The following KCNH7 variants were observed in gnomAD, a reference collection of about 807,000 sequenced individuals.
KCNH7 encodes the protein voltage-gated inwardly rectifying potassium channel KCNH7.
Under a neutral mutation model 120.8 loss-of-function variants are expected in KCNH7, and 49 were observed. That is an observed-to-expected ratio of 0.41 (90% CI 0.32 to 0.51). KCNH7 has a LOEUF of 0.51. KCNH7 is among the 20% of genes least tolerant of loss of function. The pLI, the probability that KCNH7 is intolerant of heterozygous loss-of-function variation, is 0.38. For synonymous variants in KCNH7, 547 were observed against 516.1 expected, an observed-to-expected ratio of 1.06 and a Z score of -0.81; for missense variants, 1,097 against 1,446.6, an observed-to-expected ratio of 0.76 and a Z score of 3.92.
intron 2 of KCNH7, among the ~76,000 whole-genome samples, chr2:162,769,423 C>T (rs965149334): frequency 1.3e-5 from 2 of 152,062 alleles, no homozygotes; most frequent in African/African-American, 4.8e-5. Context: ...AGTTGAGTTG[C>T]TGCATACAAA....
chr2:162,403,856 G>T (rs140802164), intron 9 of KCNH7, among the ~76,000 whole-genome samples: 50 of 152,056 alleles, frequency 3.3e-4, no homozygotes, highest in African/African-American at 1.2e-3. Context: ...TCTAAGTAAA[G>T]AAACTTTAAA....
At chr2:162,456,070 A>C (rs1310169248) in intron 6 of KCNH7, among the ~76,000 whole-genome samples, 1 of 152,130 alleles carries the variant, frequency 6.6e-6, no homozygotes, top group East Asian at 1.9e-4. Flanking sequence ...TGATGTGGGC[A>C]ATTAGTGCTA....
At chr2:162,768,565 A>G (rs1682915478) in intron 2 of KCNH7, among the ~76,000 whole-genome samples, 1 of 152,212 alleles carries the variant, frequency 6.6e-6, no homozygotes. Flanking sequence ...ACGGAGAGGT[A>G]AAAGAGATAT....
intron 7 of KCNH7, among the ~76,000 whole-genome samples, chr2:162,437,626 A>G (rs910978718): frequency 6.6e-6 from 1 of 152,254 alleles, no homozygotes; most frequent in South Asian, 2.1e-4. Context: ...TCATCTGTAT[A>G]TGAAGTGTAG....
In KCNH7 at chr2:162,562,315, TG is replaced by T. The variant is rs377444030; in HGVS notation, c.308-25236del. The stretch of plus-strand genomic sequence containing the variant: ...ATAATATGAATGATTTTTATTAAAA[TG>T]GTGTTCATACATAATTTAAAAGTTA... On this transcript the variant is annotated intron_variant, in intron 2 of 15. Transcript: ENST00000332142. Among the ~76,000 whole-genome samples, 76 of 152,314 alleles carry T rather than the reference TG, an allele frequency of 5.0e-4. 2 individuals carry two copies. The South Asian group carries it at 0.016, about 31-fold the overall frequency.
chr2:162,648,848 T>A (rs1684470839), intron 2 of KCNH7, among the ~76,000 whole-genome samples: 1 of 152,156 alleles, frequency 6.6e-6, no homozygotes, highest in Admixed American at 6.6e-5. Flanking sequence ...CCTAAATTTT[T>A]CTGGGTGGTG....
chr2:162,692,437 C>T (rs1686147235), intron 2 of KCNH7, among the ~76,000 whole-genome samples: 1 of 152,112 alleles, frequency 6.6e-6, no homozygotes, highest in Admixed American at 6.6e-5. Flanking sequence ...CATGCACACT[C>T]ATACACACCA....
intron 2 of KCNH7, among the ~76,000 whole-genome samples, chr2:162,680,082 G>T (rs1027911961): frequency 6.6e-6 from 1 of 151,728 alleles, no homozygotes; most frequent in Admixed American, 6.6e-5. Flanking sequence ...ATTTAACATT[G>T]CAGTCTCAAT....
At chr2:162,546,832 T>C (rs1482342518) in intron 2 of KCNH7, among the ~76,000 whole-genome samples, 2 of 151,346 alleles carry the variant, frequency 1.3e-5, no homozygotes, top group African/African-American at 4.9e-5. Flanking sequence ...CAAACATGAC[T>C]AAAAACAGGG....
chr2:162,803,574 G>C (rs1234627589), intron 2 of KCNH7, among the ~76,000 whole-genome samples: 2 of 151,644 alleles, frequency 1.3e-5, no homozygotes, highest in African/African-American at 4.8e-5. Flanking sequence ...ACTGTATCAT[G>C]AGATAATATA....
At chr2:162,379,801 A>G in intron 14 of KCNH7, 52 bp downstream of exon 14, 1 of 1,558,396 alleles carries the variant, frequency 6.4e-7, no homozygotes, top group Non-Finnish European at 8.7e-7. Flanking sequence ...GTAAAACTGG[A>G]CCCATGTAAG....
rs267598949 is a variant in KCNH7 at position 162,384,771 on chromosome 2, C to T, written c.2879G>A (p.Gly960Glu). ...SGIVDSSPGI[G>E]KASGLDFEET... ...TTCAAAATCGAGCCCAGATGCTTTC[C>T]CTATTCCTGGAGAAGAGTCTACTAT... is the stretch of plus-strand genomic sequence containing the variant. Residue 960 changes from glycine to glutamate, a missense_variant, in exon 13 of 16, where the codon GGG (glycine) becomes GAG (glutamate). Physicochemically the swap from Gly to Glu is moderately conservative, Grantham distance 98. Coordinates refer to ENST00000332142, the MANE Select transcript of KCNH7 (RefSeq NM_033272.4). The T allele has an allele frequency of 6.2e-7, 1 of 1,612,776 alleles. No individual in the cohort carries two copies.
chr2:162,485,701 C>T (rs1435703053), intron 6 of KCNH7, among the ~76,000 whole-genome samples: 3 of 152,112 alleles, frequency 2.0e-5, no homozygotes, highest in Non-Finnish European at 2.9e-5. Context: ...AGCAGTAATT[C>T]AGGTGCCTGC....
chr2:162,810,077 A>G lies in KCNH7; in HGVS notation c.307+26460T>C, dbSNP rs1489385258. 1.5e-4 allele frequency among the ~76,000 whole-genome samples: 11 copies of G among 74,386 alleles called. 5 individuals carry two copies. The highest frequency in any genetic ancestry group is 3.4e-4 in the Non-Finnish European group (11 of 32,594). 48.8% of individuals were successfully genotyped at this position (74,386 alleles called of 152,430 possible). ...ACTACAGGCGCCCGCCACCACGCCCAGCTAATTTTTTGTATTTTTAGTAGA... is the reference window on the plus strand; with the variant it reads ...ACTACAGGCGCCCGCCACCACGCCCGGCTAATTTTTTGTATTTTTAGTAGA... On this transcript the variant is annotated intron_variant, in intron 2 of 15. Transcript: ENST00000332142.
chr2:162,737,934 G>A (rs1455173052), intron 2 of KCNH7, among the ~76,000 whole-genome samples: 8 of 152,008 alleles, frequency 5.3e-5, no homozygotes, highest in Middle Eastern at 3.4e-3. Context: ...GTATGGTGGC[G>A]CATGCCTATA....
At chr2:162,463,431 C>T (rs539753704) in intron 6 of KCNH7, among the ~76,000 whole-genome samples, 1 of 151,462 alleles carries the variant, frequency 6.6e-6, no homozygotes, top group African/African-American at 2.4e-5. Flanking sequence ...ATTGTTTCAT[C>T]TCTATGAAAA....
At chr2:162,693,438 C>A (rs1217405832) in intron 2 of KCNH7, among the ~76,000 whole-genome samples, 2 of 151,804 alleles carry the variant, frequency 1.3e-5, no homozygotes, top group African/African-American at 4.8e-5. Flanking sequence ...TTTTTCAGAC[C>A]AGCTCTAATC....
intron 2 of KCNH7, among the ~76,000 whole-genome samples, chr2:162,815,833 G>A (rs1684899855): frequency 6.6e-6 from 1 of 152,152 alleles, no homozygotes; most frequent in African/African-American, 2.4e-5. Context: ...ACAAAGTTCT[G>A]ACATCTAAAT....
chr2:162,483,802 T>A (rs2105690043), intron 6 of KCNH7, among the ~76,000 whole-genome samples: 1 of 152,312 alleles, frequency 6.6e-6, no homozygotes, highest in African/African-American at 2.4e-5. Context: ...TAACTAGTTA[T>A]GAAAACTCAC....
Sources: gnomAD v4.1 joint callset for allele counts (sites outside exome capture counted in the v4.1 genomes callset) on GRCh38, gnomAD v4.1.1 for gene constraint, MANE v1.5 for transcripts, NCBI Gene and HGNC (gene_info 2026-07-23, HGNC 2026-07-21) for gene names.